The following ARB2A variants were observed in gnomAD, a reference collection of about 807,000 sequenced individuals.
The protein encoded by ARB2A is ARB2 cotranscriptional regulator A.
the ARB2A span, among the ~76,000 whole-genome samples, chr5:94,057,864 C>G: frequency 6.6e-6 from 1 of 152,100 alleles, no homozygotes; most frequent in Non-Finnish European, 1.5e-5. Flanking sequence ...AATGAAGACC[C>G]TGTTGAGCTG....
At chr5:93,750,557 TGTTGCCCAGA>T in the ARB2A span, among the ~76,000 whole-genome samples, 1 of 152,214 alleles carries the variant, frequency 6.6e-6, no homozygotes, top group Non-Finnish European at 1.5e-5. Flanking sequence ...GGTCTCATTC[TGTTGCCCAGA>T]TTGGAGTGCA....
At chr5:93,621,042 G>A in the ARB2A span, 1 of 1,611,948 alleles carries the variant, frequency 6.2e-7, no homozygotes, top group Non-Finnish European at 8.5e-7. Flanking sequence ...CGGCTTCAGG[G>A]AGCTGGTCTT....
the ARB2A span, among the ~76,000 whole-genome samples, chr5:94,003,608 A>G: frequency 6.6e-6 from 1 of 152,268 alleles, no homozygotes; most frequent in South Asian, 2.1e-4. Context: ...TAATATTTAC[A>G]ATCAATTAAA....
the ARB2A span, among the ~76,000 whole-genome samples, chr5:93,892,364 G>T: frequency 6.6e-6 from 1 of 152,098 alleles, no homozygotes; most frequent in African/African-American, 2.4e-5. Context: ...GAGATGCAGA[G>T]TTCACTCTAT....
At chr5:93,725,823 A>G in the ARB2A span, among the ~76,000 whole-genome samples, 1 of 152,106 alleles carries the variant, frequency 6.6e-6, no homozygotes, top group Admixed American at 6.6e-5. Context: ...GAACTAACAG[A>G]CTAAGTCTCC....
At chr5:93,885,623 G>A in the ARB2A span, among the ~76,000 whole-genome samples, 1 of 151,578 alleles carries the variant, frequency 6.6e-6, no homozygotes, top group Non-Finnish European at 1.5e-5. Context: ...TCACAGTCTA[G>A]TAGAAATTAA....
the ARB2A span, among the ~76,000 whole-genome samples, chr5:93,852,043 G>T: frequency 1.3e-5 from 2 of 152,130 alleles, no homozygotes; most frequent in Non-Finnish European, 2.9e-5. Flanking sequence ...ACTTCCACAA[G>T]GGTTGAACCA....
chr5:93,907,287 T>C, the ARB2A span, among the ~76,000 whole-genome samples: 2 of 151,676 alleles, frequency 1.3e-5, no homozygotes, highest in East Asian at 3.9e-4. Flanking sequence ...TAAGACATTA[T>C]GAGTTACAGA....
the ARB2A span, among the ~76,000 whole-genome samples, chr5:93,879,274 GA>G: frequency 2.0e-5 from 3 of 152,014 alleles, no homozygotes; most frequent in Non-Finnish European, 2.9e-5. Context: ...AAGTATGTTT[GA>G]AGAGTGTCAG....
the ARB2A span, among the ~76,000 whole-genome samples, chr5:93,977,846 A>T: frequency 6.6e-6 from 1 of 152,292 alleles, no homozygotes; most frequent in South Asian, 2.1e-4. Flanking sequence ...AGAACAGAAG[A>T]AATTATTTTA....
At chr5:93,663,191 A>G in the ARB2A span, among the ~76,000 whole-genome samples, 1 of 152,130 alleles carries the variant, frequency 6.6e-6, no homozygotes, top group South Asian at 2.1e-4. Flanking sequence ...AATCCCTTCT[A>G]TTTTCCTCCA....
the ARB2A span, among the ~76,000 whole-genome samples, chr5:93,957,648 C>A: frequency 6.6e-6 from 1 of 151,768 alleles, no homozygotes; most frequent in Non-Finnish European, 1.5e-5. Flanking sequence ...GAAAAAAAAA[C>A]ATATAGTTAA....
the ARB2A span, among the ~76,000 whole-genome samples, chr5:93,771,184 G>A: frequency 6.6e-6 from 1 of 151,552 alleles, no homozygotes; most frequent in Non-Finnish European, 1.5e-5. Context: ...TGACAAACCT[G>A]AGAAAAACAA....
chr5:93,903,709 CTGTGTGTG>C, the ARB2A span, among the ~76,000 whole-genome samples: 283 of 144,444 alleles, frequency 2.0e-3, 4 homozygotes, highest in East Asian at 0.029. Flanking sequence ...TTCTATATAT[CTGTGTGTG>C]TGTGTGTGTG....
At chr5:93,766,942 A>C in the ARB2A span, among the ~76,000 whole-genome samples, 1 of 151,860 alleles carries the variant, frequency 6.6e-6, no homozygotes, top group Non-Finnish European at 1.5e-5. Context: ...CGCAAGGACA[A>C]AAAACCAAAC....
At chr5:94,103,700 T>G in the ARB2A span, among the ~76,000 whole-genome samples, 1 of 150,086 alleles carries the variant, frequency 6.7e-6, no homozygotes, top group African/African-American at 2.5e-5. Context: ...AACACTGCAC[T>G]CAACTACAAC....
the ARB2A span, among the ~76,000 whole-genome samples, chr5:94,102,947 C>T: frequency 6.6e-6 from 1 of 152,026 alleles, no homozygotes; most frequent in Admixed American, 6.6e-5. Context: ...GAAATAAAAT[C>T]CTTTTCAGAT....
At chr5:93,640,316 G>T in the ARB2A span, among the ~76,000 whole-genome samples, 1 of 151,624 alleles carries the variant, frequency 6.6e-6, no homozygotes, top group Non-Finnish European at 1.5e-5. Flanking sequence ...GGGCATAGTG[G>T]TGGGTGCCTG....
At chr5:93,626,591 TAA>T in the ARB2A span, among the ~76,000 whole-genome samples, 1 of 152,166 alleles carries the variant, frequency 6.6e-6, no homozygotes, top group Non-Finnish European at 1.5e-5. Flanking sequence ...ACAGTGGATA[TAA>T]AAGTTATGTT....
Sources: allele counts gnomAD v4.1 joint callset (sites outside exome capture counted in the v4.1 genomes callset), GRCh38; gene constraint gnomAD v4.1.1; transcripts MANE v1.5; gene names NCBI Gene and HGNC (gene_info 2026-07-23, HGNC 2026-07-21).